Variants in DENND5B observed in about 807,000 individuals in gnomAD.
The protein encoded by DENND5B is DENN domain containing 5B.
DENND5B carries 34 observed loss-of-function variants against 140.6 expected under a neutral mutation model. That is an observed-to-expected ratio of 0.24 (90% CI 0.18 to 0.32). DENND5B has a LOEUF of 0.32. Among genes scored for constraint, DENND5B ranks in the 10% least tolerant of loss-of-function variants. The probability of loss-of-function intolerance (pLI) is 1.00; values close to 1 mark genes in which losing one functional copy is unlikely to be tolerated. For synonymous variants in DENND5B, 551 were observed against 562.1 expected (o/e 0.98, Z 0.28); for missense variants, 1,142 against 1,560.2 (o/e 0.73, Z 4.52).
intron 2 of DENND5B, among the ~76,000 whole-genome samples, chr12:31,483,998 C>T (rs566149192): frequency 2.6e-5 from 4 of 151,642 alleles, no homozygotes; most frequent in African/African-American, 9.7e-5. Flanking sequence ...GGACTACAGG[C>T]CTGCACCACC....
chr12:31,545,961 A>AAAAAAAAAAAAC, intron 1 of DENND5B, among the ~76,000 whole-genome samples: 1 of 150,266 alleles, frequency 6.7e-6, no homozygotes, highest in African/African-American at 2.4e-5. Flanking sequence ...AAAAAAAAAA[A>AAAAAAAAAAAAC]AAAAAAAAAA....
At chr12:31,470,178 G>A (rs909798379) in intron 3 of DENND5B, among the ~76,000 whole-genome samples, 3 of 144,544 alleles carry the variant, frequency 2.1e-5, no homozygotes, top group Admixed American at 7.3e-5. Context: ...GCAATGGTGC[G>A]ATCTCGGCTC....
chr12:31,392,607 T>C lies in DENND5B; in HGVS notation c.3339+7A>G, dbSNP rs1259610408. ...CCACTATACTAAGTTTTATAGCCCATAAATACCTCTTTTTCAGGTTTATGA... is the reference window on the plus strand; with the variant it reads ...CCACTATACTAAGTTTTATAGCCCACAAATACCTCTTTTTCAGGTTTATGA... On this transcript the variant is annotated splice_region_variant and intron_variant, in intron 18 of 20. Coordinates refer to ENST00000389082, the MANE Select transcript of DENND5B (RefSeq NM_144973.4). 2 of 1,554,568 alleles carry C rather than the reference T, an allele frequency of 1.3e-6. No homozygotes were observed. Among genetic ancestry groups the C allele is most frequent in the African/African-American group, 2.7e-5 (2 of 73,374 alleles).
At chr12:31,504,344 A>T (rs1393585750) in intron 1 of DENND5B, among the ~76,000 whole-genome samples, 1 of 152,196 alleles carries the variant, frequency 6.6e-6, no homozygotes, top group Non-Finnish European at 1.5e-5. Flanking sequence ...TGCTACTATG[A>T]ATGTAGATGA....
At position 31,392,382 on chromosome 12, in the gene DENND5B, G is replaced by A; in HGVS notation, c.3351C>T (p.Leu1117=). The stretch of plus-strand genomic sequence containing the variant: ...CATTTTCTCCACACAGCAACACGGT[G>A]AGGCTTCCTCTCTGTGGGGCATAAC... ...FHKPEKERGS[L]TVLLCGENGL... is the part of the protein sequence containing the mutation. The change falls in exon 19 of 21, where the codon CTC becomes CTT. Residue 1117 remains leucine, a synonymous_variant. Coordinates refer to ENST00000389082, the MANE Select transcript of DENND5B (RefSeq NM_144973.4). The A allele has an allele frequency of 6.2e-7, 1 of 1,613,822 alleles. No homozygotes were observed. Among genetic ancestry groups the A allele is most frequent in the Non-Finnish European group, 8.5e-7 (1 of 1,179,860 alleles).
At chr12:31,414,686 AC>A (rs1253075140) in intron 12 of DENND5B, among the ~76,000 whole-genome samples, 1 of 151,942 alleles carries the variant, frequency 6.6e-6, no homozygotes, top group Non-Finnish European at 1.5e-5. Flanking sequence ...TAATCCCAGC[AC>A]TTTGGACGGC....
Position 31,442,883 on chromosome 12 carries a change from G to T in DENND5B, c.1904C>A (p.Ala635Glu), listed in dbSNP as rs1210244427. The change falls in exon 7 of 21, where the codon GCA becomes GAA. Residue 635 changes from alanine (A) to glutamate (E), a missense_variant. Physicochemically the swap from Ala to Glu is moderately radical, Grantham distance 107. This residue lies in a region of DENND5B where 708 missense variants were observed against 905.5 expected (regional missense o/e 0.78). Transcript: ENST00000389082. ...EQRLMKMDHT[A>E]IHPHLLDMKI... is the part of the protein sequence containing the mutation. ...CATATCAAGTAGATGTGGGTGGATT[G>T]CAGTGTGATCCATTTTCATCAGTCT... The T allele has an allele frequency of 6.2e-7, 1 of 1,603,562 alleles. No homozygotes were observed. The highest frequency in any genetic ancestry group is 8.5e-7 in the Non-Finnish European group (1 of 1,174,634).
At chr12:31,411,280 C>CA (rs1265920249) in intron 13 of DENND5B, among the ~76,000 whole-genome samples, 2 of 151,146 alleles carry the variant, frequency 1.3e-5, no homozygotes, top group African/African-American at 2.4e-5. Context: ...TCTGGTGATC[C>CA]ACCCGCCTCG....
chr12:31,420,097 A>G, intron 11 of DENND5B: 2 of 980,246 alleles, frequency 2.0e-6, no homozygotes, highest in Non-Finnish European at 2.4e-6. Context: ...TGAAGGTGCA[A>G]AGTTTAAGAA....
At position 31,569,313 on chromosome 12, in the gene DENND5B, C is replaced by T. The variant is rs186797288; in HGVS notation, c.127+21393G>A. Among the ~76,000 whole-genome samples, 3 of 152,246 alleles carry T rather than the reference C, an allele frequency of 2.0e-5. No individual in the cohort carries two copies. In the South Asian group the frequency reaches 6.2e-4, roughly 32 times the overall value. ...CGAACTCCTGAGCTCAAGCAATTCA[C>T]CTGCCTCCCAAAGTTCTGGGATTAC... On this transcript the variant is annotated intron_variant, in intron 1 of 20. Transcript: ENST00000389082.
chr12:31,525,056 C>G (rs1381635325), intron 1 of DENND5B, among the ~76,000 whole-genome samples: 1 of 152,078 alleles, frequency 6.6e-6, no homozygotes, highest in East Asian at 1.9e-4. Flanking sequence ...ACTTGCATGA[C>G]CAAAATAGAA....
At chr12:31,496,053 T>C (rs983709264) in intron 1 of DENND5B, 134 bp from the exon 2 acceptor site, 10 of 557,018 alleles carry the variant, frequency 1.8e-5, no homozygotes, top group African/African-American at 7.4e-5. Context: ...ACCATCTGTA[T>C]TGTAAAATCC....
intron 3 of DENND5B, among the ~76,000 whole-genome samples, chr12:31,475,668 G>A (rs1945773054): frequency 6.6e-6 from 1 of 152,094 alleles, no homozygotes; most frequent in African/African-American, 2.4e-5. Context: ...AAGGTTGCTT[G>A]AGCCCTGGAG....
chr12:31,567,546 A>AAG (rs1555174926), intron 1 of DENND5B, among the ~76,000 whole-genome samples: 7 of 149,410 alleles, frequency 4.7e-5, no homozygotes, highest in African/African-American at 1.7e-4. Context: ...AAAAAAAAAA[A>AAG]GCATCCTAAT....
At chr12:31,531,466 G>A (rs1948278439) in intron 1 of DENND5B, among the ~76,000 whole-genome samples, 1 of 152,218 alleles carries the variant, frequency 6.6e-6, no homozygotes. Flanking sequence ...AAAGTGCTGG[G>A]ATTACAGGCG....
chr12:31,464,244 T>TG (rs1324215719), intron 3 of DENND5B, among the ~76,000 whole-genome samples: 1 of 152,212 alleles, frequency 6.6e-6, no homozygotes, highest in African/African-American at 2.4e-5. Context: ...TAAGACCACT[T>TG]GCTTGCAGTC....
intron 2 of DENND5B, among the ~76,000 whole-genome samples, chr12:31,494,556 A>G (rs1345540112): frequency 6.6e-6 from 1 of 151,690 alleles, no homozygotes; most frequent in Non-Finnish European, 1.5e-5. Flanking sequence ...CCTTCCCCCT[A>G]CCCTTTTTCT....
At chr12:31,520,765 C>T (rs1385471103) in intron 1 of DENND5B, among the ~76,000 whole-genome samples, 1 of 152,086 alleles carries the variant, frequency 6.6e-6, no homozygotes, top group Non-Finnish European at 1.5e-5. Context: ...TGGTCTCGAT[C>T]TCCTGACCTC....
chr12:31,542,384 G>A (rs572673764), intron 1 of DENND5B, among the ~76,000 whole-genome samples: 2 of 152,196 alleles, frequency 1.3e-5, no homozygotes, highest in East Asian at 3.9e-4. Flanking sequence ...GTAGGATGGG[G>A]GAAAGTGGGA....
Sources: gnomAD v4.1 joint callset for allele counts (sites outside exome capture counted in the v4.1 genomes callset) on GRCh38, gnomAD v4.1.1 for gene constraint, gnomAD v4.1.1 regional missense constraint, MANE v1.5 for transcripts, NCBI Gene and HGNC (gene_info 2026-07-23, HGNC 2026-07-21) for gene names.